PDZD9: variants seen among roughly 807,000 people sequenced by gnomAD.
PDZD9 encodes PDZ domain containing 9.
In PDZD9, 13 loss-of-function variants were observed where a neutral mutation model predicts 16.3. That is an observed-to-expected ratio of 0.80 (90% confidence interval 0.52 to 1.27). The LOEUF (loss-of-function observed/expected upper bound fraction) is 1.27. Ranked by LOEUF, PDZD9 falls within the 50% of genes most tolerant of loss-of-function variation. The pLI, the probability that PDZD9 is intolerant of heterozygous loss-of-function variation, is 0.00. For synonymous variants in PDZD9, 120 were observed against 111.0 expected (o/e 1.08, Z -0.51); for missense variants, 288 against 310.9 (o/e 0.93, Z 0.55).
At position 21,988,773 on chromosome 16, in the gene PDZD9, A is replaced by G. The variant is rs777884229; in HGVS notation, c.230T>C (p.Val77Ala). Reference sequence around the variant, plus strand: ...ATATCCTAACACATTGGCATGGCCAACACTAATCAGAACATCACCTGAAGA... The same window carrying G: ...ATATCCTAACACATTGGCATGGCCAGCACTAATCAGAACATCACCTGAAGA... ...KLQPGDVLISVGHANVLGYTL... is the reference protein window; with the variant it reads ...KLQPGDVLISAGHANVLGYTL... Residue 77 changes from valine to alanine, a missense_variant, in exon 3 of 4, where the codon GTT becomes GCT. Physicochemically the swap from Val to Ala is moderately conservative, Grantham distance 64. Transcript: ENST00000424898. 4 of 1,610,752 alleles carry G rather than the reference A, an allele frequency of 2.5e-6. No individual in the cohort carries two copies. In the South Asian group the frequency reaches 3.3e-5, roughly 13 times the overall value.
the PDZD9 span, chr16:21,962,779 C>G: frequency 1.9e-6 from 3 of 1,614,030 alleles, no homozygotes; most frequent in Non-Finnish European, 2.5e-6. Context: ...TAATGGAGTT[C>G]CTGCTCAATG....
At chr16:21,981,090 A>G (rs1197935944), downstream of PDZD9, among the ~76,000 whole-genome samples, 2 of 152,230 alleles carry the variant, frequency 1.3e-5, no homozygotes, top group Admixed American at 6.5e-5. Flanking sequence ...GCAGTTTCAT[A>G]TGATCCAACC....
At chr16:21,973,314 T>G in the PDZD9 span, among the ~76,000 whole-genome samples, 2 of 152,206 alleles carry the variant, frequency 1.3e-5, no homozygotes, top group Admixed American at 1.3e-4. Flanking sequence ...ACTTAGATAA[T>G]TTTTATGTAA....
the PDZD9 span, chr16:21,976,024 A>C: frequency 1.8e-6 from 1 of 562,046 alleles, no homozygotes; most frequent in Non-Finnish European, 3.2e-6. Context: ...ACCCATAGTG[A>C]TGACAGCATT....
At chr16:21,962,747 G>A in the PDZD9 span, 44 of 1,613,732 alleles carry the variant, frequency 2.7e-5, no homozygotes, top group South Asian at 1.5e-4. Flanking sequence ...TTCTTATCTC[G>A]ATGTCTTCTG....
intron 2 of PDZD9, among the ~76,000 whole-genome samples, chr16:21,991,113 T>C (rs1014827268): frequency 1.3e-5 from 2 of 152,182 alleles, no homozygotes; most frequent in African/African-American, 4.8e-5. Context: ...GGACCATGTC[T>C]GTGCCGTTCA....
At chr16:21,980,872 C>T (rs1277210920), downstream of PDZD9, among the ~76,000 whole-genome samples, 1 of 152,156 alleles carries the variant, frequency 6.6e-6, no homozygotes, top group African/African-American at 2.4e-5. Flanking sequence ...ACAAGCTTCC[C>T]TGTCAGCTCG....
At chr16:21,969,784 C>T in the PDZD9 span, among the ~76,000 whole-genome samples, 1 of 152,006 alleles carries the variant, frequency 6.6e-6, no homozygotes, top group South Asian at 2.1e-4. Context: ...GTGTGTTCAT[C>T]ATCCCCCCAA....
In PDZD9 at chr16:21,988,706, A is replaced by G. The variant is rs1898945578; in HGVS notation, c.297T>C (p.Ile99=). ...EFLQLLQHIT[I]GTVLQIKVYR... ...AAACCTTGATTTGTAGCACTGTTCCAATAGTGATATGTTGCAAAAGCTGTA... is the reference window on the plus strand; with the variant it reads ...AAACCTTGATTTGTAGCACTGTTCCGATAGTGATATGTTGCAAAAGCTGTA... The change falls in exon 3 of 4, where the codon ATT becomes ATC. Residue 99 remains isoleucine, a synonymous_variant. Coordinates refer to ENST00000424898, the MANE Select transcript of PDZD9 (RefSeq NM_001363519.1). 1 of 1,613,008 alleles carries G rather than the reference A, an allele frequency of 6.2e-7. No individual in the cohort carries two copies. Among genetic ancestry groups the G allele is most frequent in the East Asian group, 2.2e-5 (1 of 44,874 alleles).
chr16:21,984,420 T>C lies in PDZD9; in HGVS notation c.642A>G (p.Lys214=), dbSNP rs777404326. The change falls in exon 4 of 4, where the codon AAA becomes AAG. Residue 214 remains lysine, a synonymous_variant. Coordinates refer to ENST00000424898, the MANE Select transcript of PDZD9 (RefSeq NM_001363519.1). ...CDVMIHRDDK[K]EVRAPSPYWI... ...AGTATGGAGAAGGGGCCCTCACTTCTTTCTTGTCGTCTCTGTGAATCATCA... is the reference window on the plus strand; with the variant it reads ...AGTATGGAGAAGGGGCCCTCACTTCCTTCTTGTCGTCTCTGTGAATCATCA... 6.8e-6 allele frequency: 11 copies of C among 1,614,084 alleles called. No individual in the cohort carries two copies. Among genetic ancestry groups the C allele is most frequent in the South Asian group, 6.6e-5 (6 of 91,088 alleles).
At position 21,984,211 on chromosome 16, in the gene PDZD9, G is replaced by C. The variant is rs1898809463; in HGVS notation, c.*56C>G. The C allele has an allele frequency of 1.3e-6, 2 of 1,535,914 alleles. No individual in the cohort carries two copies. Among genetic ancestry groups the C allele is most frequent in the Non-Finnish European group, 1.8e-6 (2 of 1,135,784 alleles). ...GATAAGTACAGCAAACTTGTGCCTG[G>C]TGAGGCACAAAACTTGGGTGTCTGC... On this transcript the variant is annotated 3_prime_UTR_variant, in exon 4 of 4. Coordinates refer to ENST00000424898, the MANE Select transcript of PDZD9 (RefSeq NM_001363519.1).
intron 2 of PDZD9, among the ~76,000 whole-genome samples, chr16:21,989,356 G>GT (rs1478546983): frequency 6.6e-6 from 1 of 152,052 alleles, no homozygotes; most frequent in Non-Finnish European, 1.5e-5. Flanking sequence ...TTTTTGAGAC[G>GT]TTTCTGAAGT....
rs1898816068 is a variant in PDZD9, at chr16:21,984,366, G to A, written c.696C>T (p.Ser232=). 4.3e-6 allele frequency: 7 copies of A among 1,614,032 alleles called. No homozygotes were observed. Among genetic ancestry groups the A allele is most frequent in the African/African-American group, 1.3e-5 (1 of 74,916 alleles). Reference sequence around the variant, plus strand: ...AGGTAGAGGAGGTAGAGGAGGAAGAGCTTTCATTGTCTTGCTTCACCATTA... The same window carrying A: ...AGGTAGAGGAGGTAGAGGAGGAAGAACTTTCATTGTCTTGCTTCACCATTA... The part of the protein sequence containing the change: ...YWIMVKQDNE[S]SSSSTSSTSD... Residue 232 remains serine (S), a synonymous_variant, in exon 4 of 4, where the codon AGC becomes AGT. Coordinates refer to ENST00000424898, the MANE Select transcript of PDZD9 (RefSeq NM_001363519.1).
At chr16:21,990,913 C>T (rs1364922599) in intron 2 of PDZD9, among the ~76,000 whole-genome samples, 1 of 152,212 alleles carries the variant, frequency 6.6e-6, no homozygotes, top group Non-Finnish European at 1.5e-5. Flanking sequence ...CAATTTCGTA[C>T]TTATGAACAC....
Position 21,996,336 on chromosome 16 carries a change from C to G in PDZD9, c.197G>C (p.Gly66Ala), listed in dbSNP as rs1321824318. The G allele has an allele frequency of 1.3e-6, 2 of 1,535,420 alleles. No homozygotes were observed. The highest frequency in any genetic ancestry group is 1.7e-6 in the Non-Finnish European group (2 of 1,146,660). The change falls in exon 2 of 4, where the codon GGG (glycine) becomes GCG (alanine). Residue 66 changes from glycine to alanine, a missense_variant. Gly to Ala is a moderately conservative substitution (Grantham distance 60). Transcript: ENST00000424898. ...LIRKGAAAND[G>A]KLQPGDVLIS... is the part of the protein sequence containing the mutation. ...AGGGCAATCACCTGGCTGGAGTTTCCCGTCGTTGGCTGCAGCCCCCTTCCT... is the reference window on the plus strand; with the variant it reads ...AGGGCAATCACCTGGCTGGAGTTTCGCGTCGTTGGCTGCAGCCCCCTTCCT...
intron 1 of PDZD9, 111 bp downstream of exon 1, chr16:22,000,906 G>T: frequency 1.0e-6 from 1 of 1,004,402 alleles, no homozygotes; most frequent in Non-Finnish European, 1.5e-6. Flanking sequence ...CAACGATGGA[G>T]AGAGGTTATC....
the PDZD9 span, among the ~76,000 whole-genome samples, chr16:21,977,857 A>G: frequency 4.6e-5 from 7 of 152,326 alleles, no homozygotes; most frequent in South Asian, 1.4e-3. Flanking sequence ...TGCTGAGCAC[A>G]CTACAAAGTT....
chr16:21,970,460 G>T, the PDZD9 span, among the ~76,000 whole-genome samples: 7 of 152,140 alleles, frequency 4.6e-5, no homozygotes, highest in Middle Eastern at 3.2e-3. Context: ...CTTATCGTCT[G>T]TCTTTCTGAT....
intron 1 of PDZD9, 55 bp downstream of exon 1, chr16:22,000,962 T>C: frequency 6.6e-7 from 1 of 1,513,690 alleles, no homozygotes. Context: ...AGGAGGAACA[T>C]TGACGAAGGC....
Sources: allele counts gnomAD v4.1 joint callset (sites outside exome capture counted in the v4.1 genomes callset), GRCh38; gene constraint gnomAD v4.1.1; transcripts MANE v1.5; gene names NCBI Gene and HGNC (gene_info 2026-07-23, HGNC 2026-07-21).